The following PTPRD variants were observed in gnomAD, a reference collection of about 807,000 sequenced individuals.
The protein encoded by PTPRD is receptor-type tyrosine-protein phosphatase delta.
In PTPRD, 34 loss-of-function variants were observed where a neutral mutation model predicts 214.5. The ratio of observed to expected loss-of-function variants is 0.16; its 90% CI spans 0.12 to 0.21. PTPRD has a LOEUF of 0.21. Among genes scored for constraint, PTPRD ranks in the 10% least tolerant of loss-of-function variants. The probability of loss-of-function intolerance (pLI) is 1.00; values close to 1 mark genes in which losing one functional copy is unlikely to be tolerated. For synonymous variants in PTPRD, 1,128 were observed against 845.7 expected, an observed-to-expected ratio of 1.33 and a Z score of -5.79; for missense variants, 2,545 against 2,398.7, an observed-to-expected ratio of 1.06 and a Z score of -1.27.
At chr9:8,428,998 C>G (rs554920230) in intron 35 of PTPRD, among the ~76,000 whole-genome samples, 1 of 152,152 alleles carries the variant, frequency 6.6e-6, no homozygotes, top group Non-Finnish European at 1.5e-5. Context: ...CGGAGAAATA[C>G]AATGTTTACT....
intron 3 of PTPRD, among the ~76,000 whole-genome samples, chr9:10,206,835 T>C (rs547120362): frequency 6.1e-4 from 92 of 151,898 alleles, no homozygotes; most frequent in Non-Finnish European, 1.1e-3. Flanking sequence ...GTAACAGGAA[T>C]AGAAAAATTG....
chr9:8,948,565 A>ATATATATT (rs2099085045), intron 11 of PTPRD, among the ~76,000 whole-genome samples: 5 of 100,478 alleles, frequency 5.0e-5, no homozygotes, highest in East Asian at 2.7e-4. Flanking sequence ...ATATATATTT[A>ATATATATT]TATATATATA....
intron 11 of PTPRD, among the ~76,000 whole-genome samples, chr9:8,908,194 C>T (rs1429076671): frequency 6.6e-6 from 1 of 151,982 alleles, no homozygotes; most frequent in Non-Finnish European, 1.5e-5. Flanking sequence ...CAATATTCAG[C>T]AAAACTGTCT....
chr9:8,374,687 T>C (rs1445393545), intron 39 of PTPRD, among the ~76,000 whole-genome samples: 1 of 151,996 alleles, frequency 6.6e-6, no homozygotes, highest in Non-Finnish European at 1.5e-5. Context: ...TCAAACAAAA[T>C]AAAGCATAGG....
intron 4 of PTPRD, among the ~76,000 whole-genome samples, chr9:9,969,189 G>A (rs532543202): frequency 2.6e-5 from 4 of 152,272 alleles, no homozygotes; most frequent in South Asian, 2.1e-4. Flanking sequence ...GCTGAGGATA[G>A]GATTTAGCGA....
chr9:9,645,752 C>T (rs1194600376), intron 7 of PTPRD, among the ~76,000 whole-genome samples: 1 of 151,952 alleles, frequency 6.6e-6, no homozygotes, highest in Admixed American at 6.6e-5. Context: ...AACCTTTTAG[C>T]TTTAATATCC....
intron 7 of PTPRD, among the ~76,000 whole-genome samples, chr9:9,595,946 T>TAA (rs144715622): frequency 1.3e-4 from 20 of 148,566 alleles, no homozygotes; most frequent in Non-Finnish European, 1.9e-4. Flanking sequence ...CCTATGGAAA[T>TAA]AAAAAAAAAA....
chr9:10,530,644 G>T (rs914171794), intron 2 of PTPRD, among the ~76,000 whole-genome samples: 4 of 151,870 alleles, frequency 2.6e-5, no homozygotes, highest in Admixed American at 2.0e-4. Flanking sequence ...ATGGGACTAT[G>T]GCAAAATAAT....
At chr9:9,352,385 G>A (rs1039655172) in intron 9 of PTPRD, among the ~76,000 whole-genome samples, 47 of 125,716 alleles carry the variant, frequency 3.7e-4, no homozygotes, top group Admixed American at 1.0e-3. Context: ...ATATATATAT[G>A]TGTGTATATG....
chr9:10,524,076 T>C (rs1422448964), intron 2 of PTPRD, among the ~76,000 whole-genome samples: 2 of 152,002 alleles, frequency 1.3e-5, no homozygotes, highest in Non-Finnish European at 1.5e-5. Flanking sequence ...ACGTGAACTT[T>C]CCTTGGTACA....
intron 2 of PTPRD, among the ~76,000 whole-genome samples, chr9:10,364,000 T>TTTTTTTTTG (rs2097455437): frequency 7.8e-6 from 1 of 128,158 alleles, no homozygotes; most frequent in Non-Finnish European, 1.6e-5. Flanking sequence ...GGTTTTTTTT[T>TTTTTTTTTG]TTTTTTTTTT....
At chr9:8,817,491 G>T (rs1337732732) in intron 11 of PTPRD, among the ~76,000 whole-genome samples, 1 of 152,052 alleles carries the variant, frequency 6.6e-6, no homozygotes, top group Admixed American at 6.6e-5. Context: ...GCTGGGTATA[G>T]TAGTGTGCAC....
At chr9:9,288,981 C>A (rs1950338204) in intron 9 of PTPRD, among the ~76,000 whole-genome samples, 1 of 151,820 alleles carries the variant, frequency 6.6e-6, no homozygotes, top group Non-Finnish European at 1.5e-5. Flanking sequence ...GCTCCCCAGC[C>A]CTGCCGAACT....
intron 11 of PTPRD, among the ~76,000 whole-genome samples, chr9:8,755,760 A>G (rs1180087488): frequency 6.6e-6 from 1 of 152,200 alleles, no homozygotes; most frequent in Non-Finnish European, 1.5e-5. Context: ...ATCACTAAGA[A>G]TAATAAAAGT....
rs539047885 is a variant in PTPRD, at chr9:9,171,360, G to C, written c.-143+11944C>G. Among the ~76,000 whole-genome samples the C allele has an allele frequency of 4.5e-3, 678 of 149,508 alleles. 8 individuals carry two copies. Among genetic ancestry groups the C allele is most frequent in the African/African-American group, 0.015 (629 of 41,102 alleles). The stretch of plus-strand genomic sequence containing the variant: ...ATTATATTATATATAAATATAATTA[G>C]ATTATATTTATAATCATTATTGGTC... On this transcript the variant is annotated intron_variant, in intron 10 of 45. Transcript: ENST00000381196.
chr9:9,912,821 G>A (rs2079589722), intron 5 of PTPRD, among the ~76,000 whole-genome samples: 1 of 152,136 alleles, frequency 6.6e-6, no homozygotes, highest in South Asian at 2.1e-4. Context: ...CAATAGCACT[G>A]AGAATATTGC....
At chr9:8,855,768 C>A (rs2097904562) in intron 11 of PTPRD, among the ~76,000 whole-genome samples, 1 of 152,154 alleles carries the variant, frequency 6.6e-6, no homozygotes, top group Non-Finnish European at 1.5e-5. Context: ...CAATTAATAA[C>A]ACCCATTAAT....
intron 27 of PTPRD, among the ~76,000 whole-genome samples, chr9:8,488,998 G>A (rs1006192969): frequency 1.3e-5 from 2 of 152,154 alleles, no homozygotes; most frequent in South Asian, 2.1e-4. Flanking sequence ...CGTGTATCCT[G>A]TTTCCGTGAG....
At chr9:8,661,781 T>C (rs1047618188) in intron 12 of PTPRD, among the ~76,000 whole-genome samples, 7 of 152,256 alleles carry the variant, frequency 4.6e-5, no homozygotes, top group African/African-American at 1.4e-4. Context: ...TGAGTGCTTG[T>C]GACCTATGCA....
Sources: gnomAD v4.1 joint callset for allele counts (sites outside exome capture counted in the v4.1 genomes callset) on GRCh38, gnomAD v4.1.1 for gene constraint, MANE v1.5 for transcripts, NCBI Gene and HGNC (gene_info 2026-07-23, HGNC 2026-07-21) for gene names.